Variants in FRMD3 observed in about 807,000 individuals in gnomAD.
FRMD3 encodes the protein FERM domain containing 3.
In FRMD3, 33 loss-of-function variants were observed where a neutral mutation model predicts 70.2. The ratio of observed to expected loss-of-function variants is 0.47; its 90% CI spans 0.36 to 0.63. The LOEUF (loss-of-function observed/expected upper bound fraction) is 0.63, where lower values mean the gene tolerates loss of function less well. FRMD3 is among the 20% of genes least tolerant of loss of function. The probability of loss-of-function intolerance (pLI) is 0.00; values close to 1 mark genes in which losing one functional copy is unlikely to be tolerated. For synonymous variants in FRMD3, 279 were observed against 255.9 expected, an observed-to-expected ratio of 1.09 and a Z score of -0.86; for missense variants, 632 against 711.4, an observed-to-expected ratio of 0.89 and a Z score of 1.27.
chr9:83,393,931 T>G (rs550620752), intron 1 of FRMD3, among the ~76,000 whole-genome samples: 74 of 57,922 alleles, frequency 1.3e-3, no homozygotes, highest in African/African-American at 5.0e-3. Flanking sequence ...TTTGATTTTG[T>G]TTTTTTTTGT....
the FRMD3 span, among the ~76,000 whole-genome samples, chr9:83,555,062 A>G: frequency 6.6e-6 from 1 of 152,174 alleles, no homozygotes; most frequent in Admixed American, 6.5e-5. Flanking sequence ...ATGGCTGCAG[A>G]CCCCAGTTAA....
At chr9:83,310,663 T>C (rs1169474329) in intron 8 of FRMD3, 115 bp from the exon 9 acceptor site, 40 of 733,492 alleles carry the variant, frequency 5.5e-5, no homozygotes, top group Non-Finnish European at 6.0e-5. Context: ...TGAAACAAGG[T>C]ATTATCATTG....
At chr9:83,559,125 T>C in the FRMD3 span, among the ~76,000 whole-genome samples, 1 of 152,198 alleles carries the variant, frequency 6.6e-6, no homozygotes, top group African/African-American at 2.4e-5. Context: ...TGACTCCAGT[T>C]TTGAAAGACA....
intron 1 of FRMD3, among the ~76,000 whole-genome samples, chr9:83,399,122 G>A (rs1425623017): frequency 6.6e-6 from 1 of 152,196 alleles, no homozygotes; most frequent in Non-Finnish European, 1.5e-5. Flanking sequence ...AAGGAAGAAA[G>A]ACAAAGAAAT....
chr9:83,474,776 A>G (rs1828354185), intron 1 of FRMD3, among the ~76,000 whole-genome samples: 1 of 151,846 alleles, frequency 6.6e-6, no homozygotes, highest in Non-Finnish European at 1.5e-5. Context: ...CCCCACCACC[A>G]CCACTGAGGT....
intron 1 of FRMD3, among the ~76,000 whole-genome samples, chr9:83,523,163 G>A (rs1829615137): frequency 6.7e-6 from 1 of 150,164 alleles, no homozygotes; most frequent in Non-Finnish European, 1.5e-5. Context: ...AGGATGGATG[G>A]ATGGATGGAT....
At chr9:83,351,685 C>CA (rs1564029650) in intron 3 of FRMD3, among the ~76,000 whole-genome samples, 34 of 81,162 alleles carry the variant, frequency 4.2e-4, no homozygotes, top group Non-Finnish European at 6.7e-4. Flanking sequence ...TTGATAGTTA[C>CA]ATGATAGATA....
At chr9:83,299,313 T>A in intron 10 of FRMD3, 127 bp from the exon 11 acceptor site, 1 of 617,484 alleles carries the variant, frequency 1.6e-6, no homozygotes. Context: ...TGACTCAGCC[T>A]GCATTGTGCA....
intron 1 of FRMD3, among the ~76,000 whole-genome samples, chr9:83,460,474 C>T (rs1231056754): frequency 6.6e-6 from 1 of 152,156 alleles, no homozygotes; most frequent in Non-Finnish European, 1.5e-5. Flanking sequence ...AGCCCAGATC[C>T]TAGTGCAAAT....
chr9:83,478,571 A>G (rs868643430), intron 1 of FRMD3, among the ~76,000 whole-genome samples: 6 of 152,304 alleles, frequency 3.9e-5, no homozygotes, highest in Middle Eastern at 3.4e-3. Flanking sequence ...TGGTGCAGCC[A>G]CTGTGGAAAA....
intron 3 of FRMD3, among the ~76,000 whole-genome samples, chr9:83,363,640 G>A (rs937998739): frequency 6.4e-5 from 9 of 140,476 alleles, no homozygotes; most frequent in African/African-American, 1.8e-4. Flanking sequence ...TGCAGGCTCC[G>A]CCCCCCGGGG....
At chr9:83,356,421 A>G (rs908833006) in intron 3 of FRMD3, among the ~76,000 whole-genome samples, 35 of 151,472 alleles carry the variant, frequency 2.3e-4, no homozygotes, top group East Asian at 1.2e-3. Context: ...GACTACAGGC[A>G]CCCGCCACCA....
At chr9:83,557,852 T>C in the FRMD3 span, among the ~76,000 whole-genome samples, 4 of 152,250 alleles carry the variant, frequency 2.6e-5, no homozygotes, top group Admixed American at 6.5e-5. Context: ...AACATGGATT[T>C]TATCTGAAAC....
At chr9:83,469,205 C>A (rs1587884500) in intron 1 of FRMD3, among the ~76,000 whole-genome samples, 1 of 152,184 alleles carries the variant, frequency 6.6e-6, no homozygotes, top group African/African-American at 2.4e-5. Context: ...TAAAGCCACC[C>A]AAATCAAAGA....
intron 1 of FRMD3, among the ~76,000 whole-genome samples, chr9:83,506,009 C>T (rs570648767): frequency 3.3e-5 from 5 of 152,240 alleles, no homozygotes; most frequent in East Asian, 1.9e-4. Context: ...ACTGCACCAA[C>T]GCCCCATGAA....
At chr9:83,308,648 T>C (rs79506566) in intron 10 of FRMD3, among the ~76,000 whole-genome samples, 2,101 of 152,268 alleles carry the variant, frequency 0.014, 20 homozygotes, top group Non-Finnish European at 0.023. Context: ...AAGGTGTAAC[T>C]CCATGCACAG....
At chr9:83,314,225 T>C (rs1251111223) in intron 6 of FRMD3, among the ~76,000 whole-genome samples, 2 of 152,060 alleles carry the variant, frequency 1.3e-5, no homozygotes, top group Non-Finnish European at 2.9e-5. Context: ...CAGAGAGCCC[T>C]GGACTTCAAA....
chr9:83,402,686 T>C (rs551970926), intron 1 of FRMD3, among the ~76,000 whole-genome samples: 1 of 152,156 alleles, frequency 6.6e-6, no homozygotes, highest in African/African-American at 2.4e-5. Context: ...TGTATCAGCC[T>C]CAGCAGGGCT....
intron 3 of FRMD3, among the ~76,000 whole-genome samples, chr9:83,352,938 G>A (rs1824210563): frequency 6.6e-6 from 1 of 152,068 alleles, no homozygotes; most frequent in African/African-American, 2.4e-5. Flanking sequence ...CCATTTGCTG[G>A]GATATGATCA....
Sources: allele counts gnomAD v4.1 joint callset (sites outside exome capture counted in the v4.1 genomes callset), GRCh38; gene constraint gnomAD v4.1.1; transcripts MANE v1.5; gene names NCBI Gene and HGNC (gene_info 2026-07-23, HGNC 2026-07-21).